Variants in IQCH observed in about 807,000 individuals in gnomAD.
IQCH encodes the protein IQ motif containing H, also known as IQ domain-containing protein H.
A neutral mutation model predicts 117.0 loss-of-function variants in IQCH; 98 were observed. That is an observed-to-expected ratio of 0.84 (90% confidence interval 0.71 to 0.99). IQCH has a LOEUF of 0.99. IQCH is among the 50% of genes least tolerant of loss of function. The pLI is 0.00. For synonymous variants in IQCH, 412 were observed against 448.2 expected (o/e 0.92, Z 1.02); for missense variants, 1,102 against 1,243.8 (o/e 0.89, Z 1.72).
rs150882800 is a variant in IQCH at position 67,370,310 on chromosome 15, T to C, written c.754-1801T>C. Reference sequence around the variant, plus strand: ...CTCCCATCGATAGCTTTGCTTCTTATAGGTCTCAGAGTCCTGTTGACTGAA... The same window carrying C: ...CTCCCATCGATAGCTTTGCTTCTTACAGGTCTCAGAGTCCTGTTGACTGAA... On this transcript the variant is annotated intron_variant, in intron 8 of 20. Coordinates refer to ENST00000335894, the MANE Select transcript of IQCH (RefSeq NM_001031715.3). This position sits in a 1 kb window ranked among gnomAD's most constrained non-coding sequence, Gnocchi z 5.6. Among the ~76,000 whole-genome samples, 241 of 152,358 alleles carry C rather than the reference T, an allele frequency of 1.6e-3. 2 individuals carry two copies. Among genetic ancestry groups the C allele is most frequent in the African/African-American group, 5.7e-3 (235 of 41,590 alleles).
chr15:67,339,030 A>G (rs1219897054), intron 5 of IQCH, among the ~76,000 whole-genome samples: 1 of 152,218 alleles, frequency 6.6e-6, no homozygotes, highest in East Asian at 1.9e-4. Context: ...ACAATTTATC[A>G]TAATATATTT....
At chr15:67,315,622 A>C (rs1339843485) in intron 4 of IQCH, among the ~76,000 whole-genome samples, 1 of 152,182 alleles carries the variant, frequency 6.6e-6, no homozygotes, top group African/African-American at 2.4e-5. Context: ...ACTCAGAATC[A>C]GGCTCTATCT....
chr15:67,397,288 T>C (rs993241219), intron 13 of IQCH, among the ~76,000 whole-genome samples: 1 of 152,230 alleles, frequency 6.6e-6, no homozygotes, highest in Admixed American at 6.5e-5. Context: ...ATGTTGATTG[T>C]AGTTAAAGAT....
chr15:67,421,347 A>G lies in IQCH; in HGVS notation c.2275A>G (p.Met759Val). The change falls in exon 16 of 21, where the codon ATG (methionine) becomes GTG (valine). Residue 759 changes from methionine to valine, a missense_variant. By Grantham distance (21) the Met-to-Val change is conservative. Transcript: ENST00000335894. ...ADNVTNLTVD[M>V]LIEPNGKISV... ...CAATGTCACCAACCTCACAGTGGAC[A>G]TGCTGATAGAGCCCAACGGGAAAAT... 1.2e-6 allele frequency: 2 copies of G among 1,614,184 alleles called. No individual in the cohort carries two copies. The highest frequency in any genetic ancestry group is 1.3e-5 in the African/African-American group (1 of 75,052).
chr15:67,473,204 TGA>T lies in IQCH; in HGVS notation c.2677-2488_2677-2487del, dbSNP rs2083116766. Among the ~76,000 whole-genome samples, 1 of 152,142 alleles carries T rather than the reference TGA, an allele frequency of 6.6e-6. No homozygotes were observed. Among genetic ancestry groups the T allele is most frequent in the South Asian group, 2.1e-4 (1 of 4,832 alleles). ...CATGCTCAGTAACCACAATGGAATT[TGA>T]GAGTGTTTACAGTTCACTTCCATGT... On this transcript the variant is annotated intron_variant, in intron 17 of 20. Transcript: ENST00000335894. The surrounding 1 kb of genome is among the most constrained non-coding windows in gnomAD (Gnocchi z 4.9).
Position 67,500,747 on chromosome 15 carries a change from T to C in IQCH, c.*1T>C, listed in dbSNP as rs1314141548. The C allele has an allele frequency of 4.0e-6, 6 of 1,484,174 alleles. No homozygotes were observed. Among genetic ancestry groups the C allele is most frequent in the Non-Finnish European group, 5.6e-6 (6 of 1,071,652 alleles). 91.9% of individuals were successfully genotyped at this position (1,484,174 alleles called of 1,614,324 possible). A position where few individuals can be genotyped will look rare whatever the true frequency, so the allele number is the denominator to read the frequency against. ...AAACCTCTCTAAACCCAAGAAATGATCCTGGAATACAGTACATAACAATTT... is the reference window on the plus strand; with the variant it reads ...AAACCTCTCTAAACCCAAGAAATGACCCTGGAATACAGTACATAACAATTT... On this transcript the variant is annotated 3_prime_UTR_variant, in exon 21 of 21. Transcript: ENST00000335894. The surrounding 1 kb of genome is among the most constrained non-coding windows in gnomAD (Gnocchi z 4.4).
At chr15:67,327,220 A>G (rs376801369) in intron 4 of IQCH, among the ~76,000 whole-genome samples, 11 of 152,224 alleles carry the variant, frequency 7.2e-5, no homozygotes, top group African/African-American at 2.7e-4. Context: ...GACAAAATCA[A>G]GTAAATATGA....
In IQCH at chr15:67,316,465, T is replaced by C. The variant is rs186823993; in HGVS notation, c.388-20510T>C. Among the ~76,000 whole-genome samples the C allele has an allele frequency of 1.1e-3, 173 of 152,332 alleles. 2 individuals carry two copies. The highest frequency in any genetic ancestry group is 4.0e-3 in the African/African-American group (168 of 41,586). ...CTAAACATTTACATCCCAGGGAAAG[T>C]ACCTATCACCAACTTTCTACCATCT... is the stretch of plus-strand genomic sequence containing the variant. On this transcript the variant is annotated intron_variant, in intron 4 of 20. Transcript: ENST00000335894.
rs2083091546 is a variant in IQCH at position 67,472,354 on chromosome 15, C to T, written c.2677-3342C>T. ...CACTGAGCAAGTTTGGGGAGGTCTA[C>T]CCACCACACCAGGGTCTAGATTTCA... is the stretch of plus-strand genomic sequence containing the variant. On this transcript the variant is annotated intron_variant, in intron 17 of 20. Coordinates refer to ENST00000335894, the MANE Select transcript of IQCH (RefSeq NM_001031715.3). The surrounding 1 kb of genome is among the most constrained non-coding windows in gnomAD (Gnocchi z 4.3). Among the ~76,000 whole-genome samples, 2 of 152,080 alleles carry T rather than the reference C, an allele frequency of 1.3e-5. No individual in the cohort carries two copies. The highest frequency in any genetic ancestry group is 4.8e-5 in the African/African-American group (2 of 41,418).
chr15:67,372,628 A>G lies in IQCH; in HGVS notation c.1271A>G (p.Gln424Arg). The G allele has an allele frequency of 1.2e-6, 2 of 1,610,052 alleles. No individual in the cohort carries two copies. The highest frequency in any genetic ancestry group is 1.7e-6 in the Non-Finnish European group (2 of 1,177,944). ...RLKKILKESR[Q>R]RHLENFRIRA... is the part of the protein sequence containing the mutation. ...AAGAAGATACTAAAGGAATCACGTC[A>G]GAGACACCTGGAGAATTTTCGCATT... Residue 424 changes from glutamine (Q) to arginine (R), a missense_variant, in exon 9 of 21, where the codon CAG (glutamine) becomes CGG (arginine). Gln to Arg is a conservative substitution (Grantham distance 43). Around this residue, in one of 2 missense-constraint regions of IQCH, gnomAD observed 650 missense variants for 794.3 expected, o/e 0.82. Coordinates refer to ENST00000335894, the MANE Select transcript of IQCH (RefSeq NM_001031715.3).
rs2081996073 is a variant in IQCH at position 67,430,463 on chromosome 15, A to G, written c.2505+8886A>G. ...AAGCTTATTTCATATCCATCGTCCCATTTTATTTGCTATACATGCACACAA... is the reference window on the plus strand; with the variant it reads ...AAGCTTATTTCATATCCATCGTCCCGTTTTATTTGCTATACATGCACACAA... On this transcript the variant is annotated intron_variant, in intron 16 of 20. Transcript: ENST00000335894. The surrounding 1 kb of genome is among the most constrained non-coding windows in gnomAD (Gnocchi z 5.1). The G allele has an allele frequency of 6.6e-6, 1 of 152,162 alleles. No homozygotes were observed. The highest frequency in any genetic ancestry group is 1.5e-5 in the Non-Finnish European group (1 of 68,020). The allele number at this position is 152,162 out of a possible 1,614,324, so 9.4% of individuals were successfully genotyped here. A position where few individuals can be genotyped will look rare whatever the true frequency, so the allele number is the denominator to read the frequency against.
intron 5 of IQCH, among the ~76,000 whole-genome samples, chr15:67,341,303 C>T (rs1352768457): frequency 1.3e-5 from 2 of 152,150 alleles, no homozygotes; most frequent in Admixed American, 6.6e-5. Context: ...TGTTCTCCTT[C>T]CTTGTGAACA....
chr15:67,418,806 G>T (rs1042255824), intron 15 of IQCH, among the ~76,000 whole-genome samples: 1 of 151,664 alleles, frequency 6.6e-6, no homozygotes, highest in African/African-American at 2.4e-5. Context: ...TCAAACTCCT[G>T]ACCTAAGGTG....
intron 18 of IQCH, among the ~76,000 whole-genome samples, chr15:67,477,688 G>A (rs959801556): frequency 1.3e-5 from 2 of 152,114 alleles, no homozygotes; most frequent in Admixed American, 6.5e-5. Context: ...TCCAGAAAGT[G>A]GCTAAATCTA....
intron 3 of IQCH, among the ~76,000 whole-genome samples, chr15:67,269,060 G>A (rs142219213): frequency 7.3e-4 from 111 of 151,140 alleles, no homozygotes; most frequent in African/African-American, 2.6e-3. Flanking sequence ...AGACAGAAGG[G>A]CATCAACAGA....
At position 67,395,284 on chromosome 15, in the gene IQCH, C is replaced by T. The variant is rs1333137837; in HGVS notation, c.1633-7C>T. The T allele has an allele frequency of 6.2e-7, 1 of 1,607,656 alleles. No homozygotes were observed. The highest frequency in any genetic ancestry group is 1.1e-5 in the South Asian group (1 of 90,694). The stretch of plus-strand genomic sequence containing the variant: ...CTTTTAACAAGAATAATATGATCTT[C>T]CCCCAGAAGCATCATATGTGCCTGG... On this transcript the variant is annotated splice_region_variant and splice_polypyrimidine_tract_variant and intron_variant, in intron 12 of 20. Coordinates refer to ENST00000335894, the MANE Select transcript of IQCH (RefSeq NM_001031715.3). This position sits in a 1 kb window ranked among gnomAD's most constrained non-coding sequence, Gnocchi z 4.0.
At chr15:67,264,937 G>A (rs1405267451) in intron 3 of IQCH, among the ~76,000 whole-genome samples, 1 of 151,880 alleles carries the variant, frequency 6.6e-6, no homozygotes, top group Non-Finnish European at 1.5e-5. Context: ...AAAGTTCAGT[G>A]CCTATATAGT....
At chr15:67,400,383 T>G (rs1971607669) in intron 14 of IQCH, 78 bp downstream of exon 14, 4 of 1,032,320 alleles carry the variant, frequency 3.9e-6, no homozygotes, top group Non-Finnish European at 5.9e-6. Flanking sequence ...AGCTAAGAGA[T>G]GAAAGTACTT....
chr15:67,472,147 CAG>C lies in IQCH; in HGVS notation c.2677-3547_2677-3546del, dbSNP rs2083085561. Among the ~76,000 whole-genome samples, 1 of 152,152 alleles carries C rather than the reference CAG, an allele frequency of 6.6e-6. No individual in the cohort carries two copies. The highest frequency in any genetic ancestry group is 1.5e-5 in the Non-Finnish European group (1 of 68,042). On this transcript the variant is annotated intron_variant, in intron 17 of 20. Transcript: ENST00000335894. This position sits in a 1 kb window ranked among gnomAD's most constrained non-coding sequence, Gnocchi z 4.3. ...GACAGGGAACACTTTAATGAAAACACAGAACTTTATCCTGCCTTAAAGACTAG... is the reference window on the plus strand; with the variant it reads ...GACAGGGAACACTTTAATGAAAACACAACTTTATCCTGCCTTAAAGACTAG...
Sources: allele counts gnomAD v4.1 joint callset (sites outside exome capture counted in the v4.1 genomes callset), GRCh38; gene constraint gnomAD v4.1.1; regional missense constraint gnomAD v4.1.1; non-coding constraint Gnocchi (gnomAD v3.1); transcripts MANE v1.5; gene names NCBI Gene and HGNC (gene_info 2026-07-23, HGNC 2026-07-21).